RORA: variants seen among roughly 807,000 people sequenced by gnomAD.
RORA encodes nuclear receptor ROR-alpha.
RORA carries 7 observed loss-of-function variants against 69.5 expected under a neutral mutation model. The ratio of observed to expected loss-of-function variants is 0.10; its 90% CI spans 0.06 to 0.19. The LOEUF is 0.19. Ranked by LOEUF, RORA falls within the 10% of genes least tolerant of loss-of-function variation. The pLI is 1.00. For missense variants in RORA, 457 were observed against 663.0 expected (o/e 0.69, Z 3.41); for synonymous variants, 261 against 240.8 (o/e 1.08, Z -0.78).
chr15:60,684,446 T>C (rs1474971828), intron 1 of RORA, among the ~76,000 whole-genome samples: 3 of 151,944 alleles, frequency 2.0e-5, no homozygotes, highest in Non-Finnish European at 2.9e-5. Flanking sequence ...AAACCCACAG[T>C]CTCTACTAAA....
At chr15:60,556,387 C>G (rs375369441) in intron 2 of RORA, among the ~76,000 whole-genome samples, 9 of 152,176 alleles carry the variant, frequency 5.9e-5, no homozygotes, top group Admixed American at 3.9e-4. Flanking sequence ...ATGACAACTT[C>G]TGAATTTAAG....
At chr15:60,515,582 C>G (rs2065838810) in intron 3 of RORA, among the ~76,000 whole-genome samples, 1 of 152,028 alleles carries the variant, frequency 6.6e-6, no homozygotes, top group Non-Finnish European at 1.5e-5. Flanking sequence ...CTTAGAGTGT[C>G]AAGTTTTCCT....
chr15:60,669,309 G>T (rs904962761), intron 2 of RORA, among the ~76,000 whole-genome samples: 14 of 150,726 alleles, frequency 9.3e-5, no homozygotes, highest in African/African-American at 3.4e-4. Flanking sequence ...TCTCTTTTCG[G>T]ACCAGATCTC....
At chr15:60,505,760 T>G in intron 5 of RORA, 131 bp from the exon 6 acceptor site, 3 of 1,006,336 alleles carry the variant, frequency 3.0e-6, no homozygotes, top group Non-Finnish European at 1.5e-6. Flanking sequence ...CTTTACACAT[T>G]TAAACAAGTA....
In RORA at chr15:60,891,295, G is replaced by A. The variant is rs149288645; in HGVS notation, c.167-212609C>T. Among the ~76,000 whole-genome samples the A allele has an allele frequency of 6.2e-3, 939 of 152,294 alleles. 12 individuals carry two copies. Among genetic ancestry groups the A allele is most frequent in the African/African-American group, 0.021 (879 of 41,560 alleles). On this transcript the variant is annotated intron_variant, in intron 1 of 10. Coordinates refer to ENST00000335670, the MANE Select transcript of RORA (RefSeq NM_134261.3). ...GATATGTGGGTGTATGTATGTGCACGTGTGTGTGCACATTGTGTGTGTGCA... is the reference window on the plus strand; with the variant it reads ...GATATGTGGGTGTATGTATGTGCACATGTGTGTGCACATTGTGTGTGTGCA...
At chr15:61,220,898 C>T (rs2054686341) in intron 1 of RORA, among the ~76,000 whole-genome samples, 1 of 152,198 alleles carries the variant, frequency 6.6e-6, no homozygotes, top group African/African-American at 2.4e-5. Context: ...TCTCTTTTCC[C>T]TCTAGAGGCT....
At chr15:61,068,361 A>G (rs1226731465) in intron 1 of RORA, among the ~76,000 whole-genome samples, 14 of 152,240 alleles carry the variant, frequency 9.2e-5, no homozygotes, top group Non-Finnish European at 1.9e-4. Context: ...GTAACATTGT[A>G]TATCTAACCA....
chr15:60,892,999 T>C (rs1383328403), intron 1 of RORA, among the ~76,000 whole-genome samples: 1 of 152,208 alleles, frequency 6.6e-6, no homozygotes, highest in Non-Finnish European at 1.5e-5. Context: ...TCTGCTTCTG[T>C]GAGAGTTTGG....
chr15:60,796,279 G>A (rs75627625), intron 1 of RORA, among the ~76,000 whole-genome samples: 4,351 of 152,220 alleles, frequency 0.029, 239 homozygotes, highest in African/African-American at 0.099. Context: ...CCATGCACAC[G>A]ACTCTCCAGG....
intron 1 of RORA, among the ~76,000 whole-genome samples, chr15:61,188,584 GCACCTA>G (rs1488010335): frequency 6.6e-6 from 1 of 152,090 alleles, no homozygotes; most frequent in African/African-American, 2.4e-5. Context: ...TGTTTTAAGA[GCACCTA>G]CCTCACATTG....
chr15:61,196,829 C>T lies in RORA; in HGVS notation c.166+32224G>A, dbSNP rs144365850. Among the ~76,000 whole-genome samples the T allele has an allele frequency of 3.0e-3, 458 of 152,284 alleles. 2 individuals are homozygous for T. Among genetic ancestry groups the T allele is most frequent in the African/African-American group, 0.011 (440 of 41,556 alleles). On this transcript the variant is annotated intron_variant, in intron 1 of 10. Coordinates refer to ENST00000335670, the MANE Select transcript of RORA (RefSeq NM_134261.3). ...ACACATAATCCAGTCACCCGTGCAG[C>T]GCATCAAACGGAGGGCTGCTTTTTC...
chr15:60,660,368 A>T (rs2070285988), intron 2 of RORA, among the ~76,000 whole-genome samples: 2 of 152,196 alleles, frequency 1.3e-5, no homozygotes, highest in African/African-American at 4.8e-5. Context: ...ACCTTAATGG[A>T]ATGCTTTAAA....
Position 61,183,903 on chromosome 15 carries a change from G to A in RORA, c.166+45150C>T, listed in dbSNP as rs551959860. On this transcript the variant is annotated intron_variant, in intron 1 of 10. Coordinates refer to ENST00000335670, the MANE Select transcript of RORA (RefSeq NM_134261.3). ...CCCAGCAATTTTGTCAGACAGACAC[G>A]CCTTGTCTAACCTTTCCCATCCTTG... 5.9e-4 allele frequency among the ~76,000 whole-genome samples: 89 copies of A among 152,116 alleles called. 1 individual carries two copies. The South Asian group carries it at 0.016, about 27-fold the overall frequency.
intron 2 of RORA, among the ~76,000 whole-genome samples, chr15:60,619,249 A>G (rs1386821628): frequency 6.6e-6 from 1 of 152,224 alleles, no homozygotes; most frequent in Non-Finnish European, 1.5e-5. Context: ...AAAAATTGAC[A>G]CACATTCTTC....
At chr15:60,830,787 C>A (rs1176428551) in intron 1 of RORA, among the ~76,000 whole-genome samples, 1 of 152,160 alleles carries the variant, frequency 6.6e-6, no homozygotes, top group Non-Finnish European at 1.5e-5. Flanking sequence ...AAAACAGGCA[C>A]AGAATGTGAT....
At chr15:60,947,369 A>G (rs1460356084) in intron 1 of RORA, among the ~76,000 whole-genome samples, 3 of 152,104 alleles carry the variant, frequency 2.0e-5, no homozygotes, top group Admixed American at 1.3e-4. Flanking sequence ...CTGCCTTGGG[A>G]TGCTGTTGAT....
intron 1 of RORA, among the ~76,000 whole-genome samples, chr15:61,110,297 G>A (rs1285934966): frequency 6.6e-6 from 1 of 151,932 alleles, no homozygotes; most frequent in Non-Finnish European, 1.5e-5. Context: ...TAGGGAGGCT[G>A]AGGTGGAGAA....
chr15:60,641,819 A>G (rs1173991900), intron 2 of RORA, among the ~76,000 whole-genome samples: 2 of 152,158 alleles, frequency 1.3e-5, no homozygotes, highest in Non-Finnish European at 2.9e-5. Flanking sequence ...ACATACAGTA[A>G]CTCATATTAA....
In RORA at chr15:60,644,563, A is replaced by C. The variant is rs559636951; in HGVS notation, c.196+34094T>G. On this transcript the variant is annotated intron_variant, in intron 2 of 10. Transcript: ENST00000335670. ...AACGGCAAAGTATTAACGTGTAAAC[A>C]TGCAGAGACATGGTAAACTCATGTC... is the stretch of plus-strand genomic sequence containing the variant. 3.3e-5 allele frequency among the ~76,000 whole-genome samples: 5 copies of C among 152,382 alleles called. No homozygotes were observed. The East Asian group carries it at 9.6e-4, about 29-fold the overall frequency.
Sources: gnomAD v4.1 joint callset for allele counts (sites outside exome capture counted in the v4.1 genomes callset) on GRCh38, gnomAD v4.1.1 for gene constraint, MANE v1.5 for transcripts, NCBI Gene and HGNC (gene_info 2026-07-23, HGNC 2026-07-21) for gene names.